The following GRM1 variants were observed in gnomAD, a reference collection of about 807,000 sequenced individuals.
GRM1 encodes the protein glutamate metabotropic receptor 1.
GRM1 carries 33 observed loss-of-function variants against 90.9 expected under a neutral mutation model. The observed-to-expected ratio is 0.36, with a 90% CI of 0.28 to 0.49. The LOEUF (loss-of-function observed/expected upper bound fraction) is 0.49, where lower values mean the gene tolerates loss of function less well. Among genes scored for constraint, GRM1 ranks in the 20% least tolerant of loss-of-function variants. The pLI, the probability that GRM1 is intolerant of heterozygous loss-of-function variation, is 0.99. For missense variants in GRM1, 1,190 were observed against 1,534.3 expected, an observed-to-expected ratio of 0.78 and a Z score of 3.75; for synonymous variants, 700 against 613.2, an observed-to-expected ratio of 1.14 and a Z score of -2.09.
chr6:146,139,689 G>A (rs998969191), intron 1 of GRM1, among the ~76,000 whole-genome samples: 30 of 151,964 alleles, frequency 2.0e-4, no homozygotes, highest in African/African-American at 3.6e-4. Flanking sequence ...TTTAGTCTGT[G>A]TGTGTCTTTA....
Position 146,434,721 on chromosome 6 carries a change from G to C in GRM1, c.3510G>C (p.Val1170=), listed in dbSNP as rs1452705333. The stretch of plus-strand genomic sequence containing the variant: ...CCAGCTCCCCCGTGTCCGAGTCGGT[G>C]CTCTGCACCCCTCCCAACGTATCCT... ...SVPSSPVSES[V]LCTPPNVSYA... is the part of the protein sequence containing the mutation. Residue 1170 remains valine (V), a synonymous_variant, in exon 8 of 8, where the codon GTG becomes GTC. Transcript: ENST00000282753. 6.2e-7 allele frequency: 1 copy of C among 1,601,822 alleles called. No homozygotes were observed.
chr6:146,304,483 T>C (rs1783504977), intron 2 of GRM1, 128 bp from the exon 3 acceptor site: 1 of 731,472 alleles, frequency 1.4e-6, no homozygotes, highest in Admixed American at 2.1e-5. Context: ...AAAAAGTTGA[T>C]GGGTAGTAAT....
chr6:146,091,198 C>T (rs1776702638), intron 1 of GRM1, among the ~76,000 whole-genome samples: 1 of 152,090 alleles, frequency 6.6e-6, no homozygotes, highest in African/African-American at 2.4e-5. Flanking sequence ...AACTGTTTGT[C>T]TGAGTTCCTT....
intron 2 of GRM1, among the ~76,000 whole-genome samples, chr6:146,220,033 T>A (rs998488281): frequency 6.6e-6 from 1 of 152,116 alleles, no homozygotes; most frequent in Non-Finnish European, 1.5e-5. Context: ...GTACGTAGAA[T>A]TACATATCTG....
rs1343477193 is a variant in GRM1 at position 146,263,203 on chromosome 6, A to T, written c.951-41408A>T. 2.0e-5 allele frequency among the ~76,000 whole-genome samples: 3 copies of T among 152,144 alleles called. No individual in the cohort carries two copies. The East Asian group carries it at 5.8e-4, about 29-fold the overall frequency. ...TCATTTGTAGTACAAAAAAATTTAG[A>T]AATGGATAAAATATCTAGCTATTGG... On this transcript the variant is annotated intron_variant, in intron 2 of 7. Transcript: ENST00000282753.
At chr6:146,125,519 A>T (rs1052016311) in intron 1 of GRM1, among the ~76,000 whole-genome samples, 1 of 143,014 alleles carries the variant, frequency 7.0e-6, no homozygotes, top group East Asian at 2.1e-4. Flanking sequence ...CTCTCCCTCT[A>T]CTTTCCTCCC....
intron 1 of GRM1, among the ~76,000 whole-genome samples, chr6:146,140,792 A>T (rs976658587): frequency 6.6e-6 from 1 of 151,940 alleles, no homozygotes; most frequent in Non-Finnish European, 1.5e-5. Flanking sequence ...AACCTTTTTG[A>T]CTTTTTGTTG....
chr6:146,324,556 G>A (rs1401757569), intron 3 of GRM1, among the ~76,000 whole-genome samples: 2 of 152,202 alleles, frequency 1.3e-5, no homozygotes, highest in Non-Finnish European at 2.9e-5. Context: ...TGGTGGTATG[G>A]GCATCTGAGG....
chr6:146,322,458 G>A (rs1270709149), intron 3 of GRM1, among the ~76,000 whole-genome samples: 1 of 152,198 alleles, frequency 6.6e-6, no homozygotes, highest in South Asian at 2.1e-4. Flanking sequence ...AGAGCTGGCA[G>A]GCAGGAAAGT....
At chr6:146,307,378 A>C (rs934118673) in intron 3 of GRM1, among the ~76,000 whole-genome samples, 15 of 152,184 alleles carry the variant, frequency 9.9e-5, no homozygotes, top group Admixed American at 8.5e-4. Flanking sequence ...ATTTGAATTA[A>C]TTCATAAAAC....
intron 1 of GRM1, among the ~76,000 whole-genome samples, chr6:146,110,227 C>T (rs147040342): frequency 7.6e-4 from 115 of 152,286 alleles, no homozygotes; most frequent in Middle Eastern, 3.4e-3. Flanking sequence ...TGAATTGTAG[C>T]TCCTGCTGTT....
At chr6:146,187,775 T>C (rs1778788262) in intron 2 of GRM1, among the ~76,000 whole-genome samples, 1 of 151,556 alleles carries the variant, frequency 6.6e-6, no homozygotes. Context: ...ATTTTGCTTT[T>C]TTATAAAACA....
intron 3 of GRM1, among the ~76,000 whole-genome samples, chr6:146,315,412 G>A: frequency 6.6e-6 from 1 of 152,026 alleles, no homozygotes; most frequent in East Asian, 1.9e-4. Context: ...AAAAAGAAAT[G>A]CCAGTGAATT....
Position 146,343,551 on chromosome 6 carries a change from A to C in GRM1, c.1187-8699A>C, listed in dbSNP as rs76618233. On this transcript the variant is annotated intron_variant, in intron 3 of 7. Transcript: ENST00000282753. ...ATTATAATCCACTATCATCCTTTTTATTTTGTTACTCAATTTTTTCTGTCT... is the reference window on the plus strand; with the variant it reads ...ATTATAATCCACTATCATCCTTTTTCTTTTGTTACTCAATTTTTTCTGTCT... Among the ~76,000 whole-genome samples the C allele has an allele frequency of 5.1e-3, 774 of 151,228 alleles. 8 individuals carry two copies. Among genetic ancestry groups the C allele is most frequent in the African/African-American group, 0.018 (744 of 41,186 alleles).
intron 2 of GRM1, among the ~76,000 whole-genome samples, chr6:146,280,349 G>A (rs1321557730): frequency 6.6e-6 from 1 of 152,080 alleles, no homozygotes; most frequent in Non-Finnish European, 1.5e-5. Flanking sequence ...TCAAGTTTTA[G>A]TGTTATTTAA....
intron 3 of GRM1, among the ~76,000 whole-genome samples, chr6:146,335,379 G>A (rs1353319214): frequency 2.6e-5 from 4 of 152,110 alleles, no homozygotes; most frequent in Admixed American, 1.3e-4. Flanking sequence ...AAGGGTCAAC[G>A]AAGTGACACA....
intron 2 of GRM1, among the ~76,000 whole-genome samples, chr6:146,223,822 T>C (rs940390036): frequency 2.6e-5 from 4 of 152,272 alleles, no homozygotes; most frequent in Admixed American, 1.3e-4. Flanking sequence ...TATTCTTTCA[T>C]AGATGTTGTA....
chr6:146,165,254 C>A (rs1444935995), intron 2 of GRM1, among the ~76,000 whole-genome samples: 1 of 152,058 alleles, frequency 6.6e-6, no homozygotes, highest in Non-Finnish European at 1.5e-5. Context: ...TTACTGTGTA[C>A]CTTTTGGGGT....
chr6:146,147,329 T>C (rs1777151252), intron 1 of GRM1, among the ~76,000 whole-genome samples: 1 of 152,214 alleles, frequency 6.6e-6, no homozygotes, highest in Non-Finnish European at 1.5e-5. Context: ...CGACAGTATC[T>C]GGGCAAGTTA....
Sources: allele counts gnomAD v4.1 joint callset (sites outside exome capture counted in the v4.1 genomes callset), GRCh38; gene constraint gnomAD v4.1.1; transcripts MANE v1.5; gene names NCBI Gene and HGNC (gene_info 2026-07-23, HGNC 2026-07-21).